CMIP: variants seen among roughly 807,000 people sequenced by gnomAD.
CMIP encodes the protein c-Maf inducing protein, also known as C-Maf-inducing protein.
CMIP carries 13 observed loss-of-function variants against 97.3 expected under a neutral mutation model. That is an observed-to-expected ratio of 0.13 (90% confidence interval 0.09 to 0.21). The LOEUF is 0.21. Among genes scored for constraint, CMIP ranks in the 10% least tolerant of loss-of-function variants. The pLI is 1.00. For synonymous variants in CMIP, 538 were observed against 436.3 expected, an observed-to-expected ratio of 1.23 and a Z score of -2.91; for missense variants, 847 against 1,024.9, an observed-to-expected ratio of 0.83 and a Z score of 2.37.
intron 1 of CMIP, among the ~76,000 whole-genome samples, chr16:81,528,354 G>A (rs896062743): frequency 7.2e-5 from 11 of 152,054 alleles, no homozygotes; most frequent in Non-Finnish European, 1.6e-4. Context: ...TCCACCATTG[G>A]TCTCATGCTG....
intron 9 of CMIP, among the ~76,000 whole-genome samples, chr16:81,674,130 TCATGTC>T (rs1277123395): frequency 6.6e-6 from 1 of 152,110 alleles, no homozygotes; most frequent in Non-Finnish European, 1.5e-5. Flanking sequence ...TCAAAGGGGA[TCATGTC>T]CCACCTTGAA....
intron 19 of CMIP, among the ~76,000 whole-genome samples, chr16:81,706,412 C>A (rs1567677865): frequency 6.6e-6 from 1 of 152,212 alleles, no homozygotes; most frequent in East Asian, 1.9e-4. Context: ...GAGCAGGTGA[C>A]TGGGTCAGTG....
chr16:81,709,451 C>T (rs72831138), intron 20 of CMIP, among the ~76,000 whole-genome samples: 16,332 of 152,214 alleles, frequency 0.11, 1,017 homozygotes, highest in Non-Finnish European at 0.13. Flanking sequence ...CAGCAAGTGG[C>T]AGGGCCTGGA....
At chr16:81,671,658 A>C (rs1211525606) in intron 8 of CMIP, among the ~76,000 whole-genome samples, 1 of 152,190 alleles carries the variant, frequency 6.6e-6, no homozygotes, top group African/African-American at 2.4e-5. Flanking sequence ...TGCTATCCTC[A>C]TTTTATCGCT....
At chr16:81,518,854 T>TTTTG (rs2089966591) in intron 1 of CMIP, 1 of 142,966 alleles carries the variant, frequency 7.0e-6, no homozygotes, top group Admixed American at 7.3e-5. Flanking sequence ...TTTTTTTTTT[T>TTTTG]GAGACAGAGT....
intron 1 of CMIP, among the ~76,000 whole-genome samples, chr16:81,600,527 CCAGAA>C (rs1567603361): frequency 1.3e-5 from 2 of 152,144 alleles, no homozygotes; most frequent in Non-Finnish European, 2.9e-5. Flanking sequence ...TGTGACATGT[CCAGAA>C]CAGGCAAGTC....
chr16:81,561,426 TGGAGGGAAGGGTAGG>T, intron 1 of CMIP, among the ~76,000 whole-genome samples: 1 of 151,688 alleles, frequency 6.6e-6, no homozygotes, highest in Non-Finnish European at 1.5e-5. Flanking sequence ...AGATGTGTGG[TGGAGGGAAGGGTAGG>T]GTGGAGGTAG....
At chr16:81,563,016 G>T (rs2090914409) in intron 1 of CMIP, among the ~76,000 whole-genome samples, 2 of 152,188 alleles carry the variant, frequency 1.3e-5, no homozygotes, top group Admixed American at 6.5e-5. Context: ...ACCTCATCAT[G>T]GTGTGGGGTC....
chr16:81,564,252 T>A (rs922988063), intron 1 of CMIP, among the ~76,000 whole-genome samples: 2 of 152,118 alleles, frequency 1.3e-5, no homozygotes, highest in Non-Finnish European at 2.9e-5. Flanking sequence ...CATTTTTGCA[T>A]TGGGGCCTTC....
At chr16:81,574,788 C>A (rs1056759657) in intron 1 of CMIP, among the ~76,000 whole-genome samples, 21 of 152,210 alleles carry the variant, frequency 1.4e-4, no homozygotes, top group Non-Finnish European at 2.9e-5. Flanking sequence ...GTAGGGGAAA[C>A]AGGCACATGA....
At chr16:81,532,613 G>A (rs112812201) in intron 1 of CMIP, among the ~76,000 whole-genome samples, 16 of 152,286 alleles carry the variant, frequency 1.1e-4, no homozygotes, top group Non-Finnish European at 1.8e-4. Context: ...CCCAGGTCCC[G>A]AGGCAGCGGG....
At chr16:81,459,339 C>T (rs1028593266) in intron 1 of CMIP, among the ~76,000 whole-genome samples, 3 of 152,174 alleles carry the variant, frequency 2.0e-5, no homozygotes, top group African/African-American at 7.2e-5. Flanking sequence ...CTTGGGTGTG[C>T]CCGTGGCCCT....
chr16:81,523,915 G>A (rs1443725764), intron 1 of CMIP, among the ~76,000 whole-genome samples: 1 of 152,274 alleles, frequency 6.6e-6, no homozygotes, highest in Non-Finnish European at 1.5e-5. Flanking sequence ...GCCAGCGCCT[G>A]CACACCGGCA....
intron 18 of CMIP, 28 bp downstream of exon 18, chr16:81,704,113 C>A: frequency 1.9e-6 from 3 of 1,589,290 alleles, no homozygotes; most frequent in South Asian, 1.1e-5. Context: ...GCTGCAGTCC[C>A]CCACACCCTC....
At chr16:81,668,155 T>TA (rs979715032) in intron 7 of CMIP, among the ~76,000 whole-genome samples, 1 of 152,036 alleles carries the variant, frequency 6.6e-6, no homozygotes, top group Non-Finnish European at 1.5e-5. Context: ...CTGCTCTCCT[T>TA]AAAAAATGGG....
chr16:81,517,448 A>T (rs1445487560), intron 1 of CMIP, among the ~76,000 whole-genome samples: 1 of 152,242 alleles, frequency 6.6e-6, no homozygotes, highest in Non-Finnish European at 1.5e-5. Context: ...CATCACACAA[A>T]TGCATAACAC....
intron 1 of CMIP, among the ~76,000 whole-genome samples, chr16:81,451,565 G>A (rs1174403783): frequency 1.3e-5 from 2 of 152,194 alleles, no homozygotes; most frequent in Non-Finnish European, 2.9e-5. Flanking sequence ...TGGGGGAGCT[G>A]AGCCTCCTTT....
intron 10 of CMIP, among the ~76,000 whole-genome samples, chr16:81,684,756 A>G (rs1337878508): frequency 6.6e-6 from 1 of 152,196 alleles, no homozygotes; most frequent in East Asian, 1.9e-4. Flanking sequence ...GGTCAGCAGG[A>G]TGCATCAGGC....
chr16:81,546,998 G>C (rs961449285), intron 1 of CMIP, among the ~76,000 whole-genome samples: 5 of 152,184 alleles, frequency 3.3e-5, no homozygotes, highest in African/African-American at 1.2e-4. Context: ...ACTCCCCCGG[G>C]AGTGCACAGC....
Sources: allele counts gnomAD v4.1 joint callset (sites outside exome capture counted in the v4.1 genomes callset), GRCh38; gene constraint gnomAD v4.1.1; transcripts MANE v1.5; gene names NCBI Gene and HGNC (gene_info 2026-07-23, HGNC 2026-07-21).